The following CDIN1 variants were observed in gnomAD, a reference collection of about 807,000 sequenced individuals.
CDIN1 encodes CDAN1 interacting nuclease 1, also known as CDAN1-interacting nuclease 1.
In CDIN1, 33 loss-of-function variants were observed where a neutral mutation model predicts 45.3. That is an observed-to-expected ratio of 0.73 (90% CI 0.55 to 0.97). The LOEUF (loss-of-function observed/expected upper bound fraction) is 0.97. Ranked by LOEUF, CDIN1 falls within the 50% of genes least tolerant of loss-of-function variation. The pLI is 0.00. For synonymous variants in CDIN1, 118 were observed against 124.4 expected (o/e 0.95, Z 0.34); for missense variants, 303 against 339.4 (o/e 0.89, Z 0.84).
At chr15:36,633,018 A>C (rs958428341) in intron 1 of CDIN1, among the ~76,000 whole-genome samples, 1 of 152,242 alleles carries the variant, frequency 6.6e-6, no homozygotes, top group African/African-American at 2.4e-5. Flanking sequence ...ATTAAATCAG[A>C]ACATTTAGAA....
At chr15:36,599,705 G>A (rs954391536) in intron 1 of CDIN1, among the ~76,000 whole-genome samples, 2 of 152,138 alleles carry the variant, frequency 1.3e-5, no homozygotes, top group Non-Finnish European at 2.9e-5. Context: ...TTTGTGGGTT[G>A]GGGCAGGGAT....
intron 10 of CDIN1, among the ~76,000 whole-genome samples, chr15:36,768,238 A>G (rs2053976197): frequency 6.6e-6 from 1 of 152,244 alleles, no homozygotes; most frequent in Non-Finnish European, 1.5e-5. Context: ...GCATTGTGGA[A>G]GAAAGCCCTG....
chr15:36,713,446 C>A (rs975646201), intron 10 of CDIN1, among the ~76,000 whole-genome samples: 5 of 152,094 alleles, frequency 3.3e-5, no homozygotes, highest in Non-Finnish European at 7.4e-5. Context: ...ACAAATGGGG[C>A]AAAATTTGTT....
At position 36,808,618 on chromosome 15, in the gene CDIN1, T is replaced by A; in HGVS notation, c.*165T>A. On this transcript the variant is annotated 3_prime_UTR_variant, in exon 11 of 11. Transcript: ENST00000566621. ...TTTAGACAAACATATCAAGAGTTTC[T>A]GTTTTCCTTCATCCCTTGCTGATGT... is the stretch of plus-strand genomic sequence containing the variant. 1 of 954,322 alleles carries A rather than the reference T, an allele frequency of 1.0e-6. No individual in the cohort carries two copies. Among genetic ancestry groups the A allele is most frequent in the Non-Finnish European group, 1.5e-6 (1 of 655,438 alleles). 59.1% of individuals were successfully genotyped at this position (954,322 alleles called of 1,614,324 possible).
intron 8 of CDIN1, chr15:36,704,343 T>C (rs573355197): frequency 2.6e-5 from 4 of 152,226 alleles, no homozygotes; most frequent in Admixed American, 6.5e-5. Flanking sequence ...TATAATGAAG[T>C]TTTGGGTTCT....
chr15:36,804,296 C>T (rs1595625259), intron 10 of CDIN1, among the ~76,000 whole-genome samples: 1 of 152,262 alleles, frequency 6.6e-6, no homozygotes, highest in East Asian at 1.9e-4. Flanking sequence ...AAGTATGCCA[C>T]TAGTGTGCTC....
intron 2 of CDIN1, among the ~76,000 whole-genome samples, chr15:36,644,858 C>G (rs1256010496): frequency 6.6e-6 from 1 of 152,110 alleles, no homozygotes; most frequent in Admixed American, 6.5e-5. Context: ...GTGCAGAGGA[C>G]TTAGATGGAA....
intron 10 of CDIN1, among the ~76,000 whole-genome samples, chr15:36,767,521 T>A (rs2053959545): frequency 6.6e-6 from 1 of 152,236 alleles, no homozygotes; most frequent in Non-Finnish European, 1.5e-5. Flanking sequence ...TACATGTTTA[T>A]TAAGTGTTTA....
intron 10 of CDIN1, among the ~76,000 whole-genome samples, chr15:36,780,675 T>C (rs897043624): frequency 2.0e-5 from 3 of 152,248 alleles, no homozygotes; most frequent in Non-Finnish European, 4.4e-5. Context: ...AGATGGATTC[T>C]GGACCAGTGA....
chr15:36,780,545 G>A (rs2054324587), intron 10 of CDIN1, among the ~76,000 whole-genome samples: 1 of 152,116 alleles, frequency 6.6e-6, no homozygotes, highest in Non-Finnish European at 1.5e-5. Context: ...CTTTTGAAAA[G>A]GAATCTTTCC....
chr15:36,602,912 C>T (rs1186186681), intron 1 of CDIN1, among the ~76,000 whole-genome samples: 2 of 151,740 alleles, frequency 1.3e-5, no homozygotes, highest in Admixed American at 1.3e-4. Context: ...GGCGTGAATG[C>T]GGGAGGCAGA....
chr15:36,593,857 C>A (rs926200387), intron 1 of CDIN1, among the ~76,000 whole-genome samples: 42 of 152,232 alleles, frequency 2.8e-4, no homozygotes, highest in Non-Finnish European at 1.6e-4. Flanking sequence ...AGCCACCGCG[C>A]CTGGCTGAAT....
chr15:36,670,444 A>G (rs964589807), intron 5 of CDIN1, among the ~76,000 whole-genome samples: 9 of 152,138 alleles, frequency 5.9e-5, no homozygotes, highest in African/African-American at 1.7e-4. Flanking sequence ...TGACAAATCT[A>G]TTATATTTAT....
intron 1 of CDIN1, among the ~76,000 whole-genome samples, chr15:36,594,070 C>T (rs1720746095): frequency 6.6e-6 from 1 of 152,098 alleles, no homozygotes. Context: ...TTTTGCAGTT[C>T]TGCTAATCAC....
At chr15:36,780,641 G>A (rs1348411547) in intron 10 of CDIN1, among the ~76,000 whole-genome samples, 2 of 152,158 alleles carry the variant, frequency 1.3e-5, no homozygotes, top group Non-Finnish European at 2.9e-5. Context: ...AAGTGTATTT[G>A]TTGCATATTA....
intron 5 of CDIN1, among the ~76,000 whole-genome samples, chr15:36,661,956 G>T (rs890303464): frequency 2.0e-5 from 3 of 152,074 alleles, no homozygotes; most frequent in Non-Finnish European, 2.9e-5. Context: ...AACTTATAAG[G>T]TGAACACTAT....
chr15:36,701,517 A>G (rs2042643785), intron 8 of CDIN1, among the ~76,000 whole-genome samples: 1 of 152,164 alleles, frequency 6.6e-6, no homozygotes, highest in Admixed American at 6.6e-5. Context: ...AATATGAAAG[A>G]GCGCATACAA....
intron 10 of CDIN1, chr15:36,804,505 A>C (rs2055158540): frequency 6.6e-6 from 1 of 151,966 alleles, no homozygotes; most frequent in South Asian, 2.1e-4. Context: ...TCATGAATAC[A>C]AATAAAACCT....
intron 1 of CDIN1, among the ~76,000 whole-genome samples, chr15:36,643,631 G>T (rs148372850): frequency 6.6e-6 from 1 of 152,176 alleles, no homozygotes; most frequent in Non-Finnish European, 1.5e-5. Flanking sequence ...CATTTTTCAG[G>T]TTGCTTCATT....
Sources: allele counts gnomAD v4.1 joint callset (sites outside exome capture counted in the v4.1 genomes callset), GRCh38; gene constraint gnomAD v4.1.1; transcripts MANE v1.5; gene names NCBI Gene and HGNC (gene_info 2026-07-23, HGNC 2026-07-21).